The following DGKB variants were observed in gnomAD, a reference collection of about 807,000 sequenced individuals.
DGKB encodes 90 kDa diacylglycerol kinase.
In DGKB, 67 loss-of-function variants were observed where a neutral mutation model predicts 114.3. The observed-to-expected ratio is 0.59, with a 90% confidence interval of 0.48 to 0.72. The LOEUF (loss-of-function observed/expected upper bound fraction) is 0.72. DGKB is among the 30% of genes least tolerant of loss of function. DGKB has a pLI of 0.00. For missense variants in DGKB, 907 were observed against 975.2 expected, an observed-to-expected ratio of 0.93 and a Z score of 0.93; for synonymous variants, 398 against 323.1, an observed-to-expected ratio of 1.23 and a Z score of -2.49.
chr7:14,793,317 T>G (rs1375652945), intron 2 of DGKB, among the ~76,000 whole-genome samples: 1 of 152,174 alleles, frequency 6.6e-6, no homozygotes, highest in Non-Finnish European at 1.5e-5. Flanking sequence ...CCGCCAATCC[T>G]GCCTGATTGG....
chr7:14,853,867 CAAAAAAAA>C (rs56269565), intron 1 of DGKB, among the ~76,000 whole-genome samples: 1,108 of 104,026 alleles, frequency 0.011, 17 homozygotes, highest in East Asian at 0.033. Context: ...GACTCCGTCT[CAAAAAAAA>C]AAAAAAAAAA....
chr7:14,411,951 TA>T (rs1824954341), intron 21 of DGKB, among the ~76,000 whole-genome samples: 1 of 152,198 alleles, frequency 6.6e-6, no homozygotes, highest in Non-Finnish European at 1.5e-5. Flanking sequence ...GATTGTTTAG[TA>T]AAATGCTTAA....
At chr7:14,155,912 A>G (rs1782948688) in intron 25 of DGKB, among the ~76,000 whole-genome samples, 2 of 152,102 alleles carry the variant, frequency 1.3e-5, no homozygotes, top group South Asian at 2.1e-4. Context: ...AAGGGAGAAC[A>G]GGTCTTGAGA....
chr7:14,471,705 T>A (rs966612996), intron 21 of DGKB, among the ~76,000 whole-genome samples: 4 of 152,050 alleles, frequency 2.6e-5, no homozygotes, highest in African/African-American at 9.7e-5. Context: ...GAAGACTCAC[T>A]CTACATATCA....
chr7:14,940,274 T>C (rs1370057351), intron 1 of DGKB, among the ~76,000 whole-genome samples: 4 of 151,816 alleles, frequency 2.6e-5, no homozygotes, highest in African/African-American at 9.7e-5. Context: ...AGTTTTTTAA[T>C]CTCAAAGAGG....
chr7:14,252,157 A>G (rs1795342007), intron 23 of DGKB, among the ~76,000 whole-genome samples: 1 of 152,162 alleles, frequency 6.6e-6, no homozygotes. Context: ...GTGTCCCATA[A>G]GTCCTGTAGG....
chr7:14,180,834 A>G (rs1782531002), intron 23 of DGKB, among the ~76,000 whole-genome samples: 1 of 152,132 alleles, frequency 6.6e-6, no homozygotes, highest in Admixed American at 6.5e-5. Context: ...CCTTTGGAAC[A>G]TCAGACTTCC....
At chr7:14,353,614 T>C (rs1019377339) in intron 21 of DGKB, among the ~76,000 whole-genome samples, 1 of 152,190 alleles carries the variant, frequency 6.6e-6, no homozygotes, top group Non-Finnish European at 1.5e-5. Flanking sequence ...ATAGAATCAT[T>C]ATTTATTTTG....
intron 20 of DGKB, among the ~76,000 whole-genome samples, chr7:14,573,354 G>T (rs1302142852): frequency 6.6e-6 from 1 of 151,950 alleles, no homozygotes; most frequent in Non-Finnish European, 1.5e-5. Flanking sequence ...TAAATAAATA[G>T]ATACTGAGAT....
intron 2 of DGKB, among the ~76,000 whole-genome samples, chr7:14,823,670 T>G (rs1460557180): frequency 1.3e-5 from 2 of 152,034 alleles, no homozygotes; most frequent in Non-Finnish European, 2.9e-5. Context: ...TAACAGCAAT[T>G]AAAAAACACA....
rs144678249 is a variant in DGKB, at chr7:14,160,251, C to G, written c.2305-11013G>C. ...ATCCTCTCTCACCACTTTTATTCAA[C>G]ATAGTATTGGAAGTTCTAGCCAGGA... On this transcript the variant is annotated intron_variant, in intron 25 of 25. Coordinates refer to ENST00000402815, the MANE Select transcript of DGKB (RefSeq NM_001350709.2). Among the ~76,000 whole-genome samples the G allele has an allele frequency of 8.7e-3, 1,327 of 152,186 alleles. 8 individuals carry two copies. The highest frequency in any genetic ancestry group is 0.014 in the Non-Finnish European group (934 of 68,014).
rs373067957 is a variant in DGKB, at chr7:14,511,390, G to T, written c.1771-33165C>A. On this transcript the variant is annotated intron_variant, in intron 20 of 25. Coordinates refer to ENST00000402815, the MANE Select transcript of DGKB (RefSeq NM_001350709.2). ...GATGGCTTCTTTCCTTAAAACTCAA[G>T]AACCAACCTATGCTAGCTTCCAACT... Among the ~76,000 whole-genome samples the T allele has an allele frequency of 2.6e-5, 4 of 152,258 alleles. No individual in the cohort carries two copies. In the South Asian group the frequency reaches 8.3e-4, roughly 32 times the overall value.
chr7:14,643,951 C>A (rs144831812), intron 13 of DGKB, among the ~76,000 whole-genome samples: 5 of 152,102 alleles, frequency 3.3e-5, no homozygotes, highest in Non-Finnish European at 5.9e-5. Context: ...AGGAGTGGAC[C>A]AACCAGGGTC....
chr7:14,416,962 C>T (rs1170108845), intron 21 of DGKB, among the ~76,000 whole-genome samples: 2 of 152,058 alleles, frequency 1.3e-5, no homozygotes, highest in East Asian at 3.9e-4. Context: ...ACTGACCGGG[C>T]AATTTCTTCC....
At chr7:14,622,197 A>C (rs1376720215) in intron 14 of DGKB, among the ~76,000 whole-genome samples, 1 of 152,090 alleles carries the variant, frequency 6.6e-6, no homozygotes, top group East Asian at 1.9e-4. Flanking sequence ...ATCTGACAGA[A>C]TTGATCTCTT....
At chr7:14,239,093 C>G (rs1426471317) in intron 23 of DGKB, among the ~76,000 whole-genome samples, 1 of 151,896 alleles carries the variant, frequency 6.6e-6, no homozygotes, top group Non-Finnish European at 1.5e-5. Context: ...TCGTGTTAGG[C>G]TTGCATCTGT....
chr7:14,951,065 A>G lies in DGKB; in HGVS notation c.-188+23631T>C, dbSNP rs1222521638. Among the ~76,000 whole-genome samples, 24 of 152,018 alleles carry G rather than the reference A, an allele frequency of 1.6e-4. 1 individual carries two copies. Among genetic ancestry groups the G allele is most frequent in the Admixed American group, 1.6e-3 (24 of 15,210 alleles). The stretch of plus-strand genomic sequence containing the variant: ...CTAATCATGCTTTCATGATTAGTGG[A>G]AAAATCACTAAAACTAGGAATAGAA... On this transcript the variant is annotated intron_variant, in intron 1 of 4. Coordinates refer to the DGKB transcript ENST00000437998.
chr7:14,212,408 T>TATTTACTCTCATGTTTTGTGATTTTA, intron 23 of DGKB, among the ~76,000 whole-genome samples: 1 of 22,048 alleles, frequency 4.5e-5, no homozygotes, highest in African/African-American at 1.4e-4. Flanking sequence ...TGTTTTGTGA[T>TATTTACTCTCATGTTTTGTGATTTTA]TTTACTCTCG....
At chr7:14,877,086 A>C (rs1853403891) in intron 1 of DGKB, among the ~76,000 whole-genome samples, 1 of 152,202 alleles carries the variant, frequency 6.6e-6, no homozygotes, top group African/African-American at 2.4e-5. Flanking sequence ...TTAATCGAGA[A>C]CTTTTTTCTC....
Sources: gnomAD v4.1 joint callset for allele counts (sites outside exome capture counted in the v4.1 genomes callset) on GRCh38, gnomAD v4.1.1 for gene constraint, MANE v1.5 for transcripts, NCBI Gene and HGNC (gene_info 2026-07-23, HGNC 2026-07-21) for gene names.